Variants in FARSB observed in about 807,000 individuals in gnomAD.
FARSB encodes phenylalanyl-tRNA synthetase subunit beta.
A neutral mutation model predicts 69.6 loss-of-function variants in FARSB; 40 were observed. The observed-to-expected ratio is 0.57, with a 90% CI of 0.45 to 0.75. The LOEUF (loss-of-function observed/expected upper bound fraction) is 0.75. Ranked by LOEUF, FARSB falls within the 30% of genes least tolerant of loss-of-function variation. The pLI is 0.00. For missense variants in FARSB, 632 were observed against 722.9 expected (o/e 0.87, Z 1.44); for synonymous variants, 235 against 247.2 (o/e 0.95, Z 0.46).
chr2:222,604,658 C>T (rs1373847704), intron 15 of FARSB, among the ~76,000 whole-genome samples: 3 of 151,460 alleles, frequency 2.0e-5, no homozygotes, highest in South Asian at 2.1e-4. Context: ...CAGGCTCAGG[C>T]GATCCTCCCA....
chr2:222,600,974 A>G (rs970072601), intron 15 of FARSB, among the ~76,000 whole-genome samples: 1 of 152,238 alleles, frequency 6.6e-6, no homozygotes, highest in African/African-American at 2.4e-5. Flanking sequence ...ATGCTACCAC[A>G]TGGGTGAATC....
intron 1 of FARSB, 56 bp downstream of exon 1, chr2:222,655,960 G>A (rs919474957): frequency 1.4e-6 from 2 of 1,389,526 alleles, no homozygotes; most frequent in South Asian, 2.4e-5. Context: ...CCTTTTGGAG[G>A]GAGGCCCTGC....
chr2:222,651,182 TAAG>T (rs1692029740), intron 1 of FARSB, among the ~76,000 whole-genome samples: 1 of 152,136 alleles, frequency 6.6e-6, no homozygotes, highest in Non-Finnish European at 1.5e-5. Flanking sequence ...GAATCCTGGT[TAAG>T]AAGAGGCGGA....
chr2:222,617,773 C>T (rs1691034252), intron 14 of FARSB, among the ~76,000 whole-genome samples: 1 of 152,158 alleles, frequency 6.6e-6, no homozygotes, highest in Non-Finnish European at 1.5e-5. Flanking sequence ...ATCCCAGCTA[C>T]TCGGGAGGCT....
intron 4 of FARSB, among the ~76,000 whole-genome samples, chr2:222,640,342 T>C (rs564099602): frequency 6.6e-6 from 1 of 151,462 alleles, no homozygotes; most frequent in Non-Finnish European, 1.5e-5. Flanking sequence ...TACAAAAAAT[T>C]AGCTGGGTGT....
At chr2:222,582,647 G>A (rs895476529) in intron 16 of FARSB, among the ~76,000 whole-genome samples, 2 of 151,954 alleles carry the variant, frequency 1.3e-5, no homozygotes, top group Admixed American at 6.6e-5. Flanking sequence ...ATGTAAATTC[G>A]GGCGCAGTGG....
chr2:222,629,092 T>C (rs1168877490), intron 9 of FARSB, among the ~76,000 whole-genome samples: 1 of 152,174 alleles, frequency 6.6e-6, no homozygotes, highest in Admixed American at 6.5e-5. Context: ...CGATGTCCTT[T>C]TCAGGCACCA....
intron 16 of FARSB, among the ~76,000 whole-genome samples, chr2:222,575,307 C>A (rs578151495): frequency 2.0e-4 from 31 of 152,330 alleles, no homozygotes; most frequent in African/African-American, 5.3e-4. Flanking sequence ...AAAAATCAGA[C>A]CTGGGTGGTA....
intron 15 of FARSB, among the ~76,000 whole-genome samples, chr2:222,608,138 G>A (rs1184911): frequency 0.99 from 149,996 of 152,278 alleles, 73,884 homozygotes; most frequent in East Asian, 1. Flanking sequence ...TGTTAATGTC[G>A]ATGCTCCTTA....
At chr2:222,574,413 C>G (rs1689786199) in intron 16 of FARSB, among the ~76,000 whole-genome samples, 1 of 152,178 alleles carries the variant, frequency 6.6e-6, no homozygotes, top group Non-Finnish European at 1.5e-5. Context: ...ATCAAAAGCT[C>G]TCACCTGTCA....
At position 222,575,861 on chromosome 2, in the gene FARSB, A is replaced by G. The variant is rs567563234; in HGVS notation, c.1619-3839T>C. 8.5e-5 allele frequency among the ~76,000 whole-genome samples: 13 copies of G among 152,294 alleles called. No homozygotes were observed. In the South Asian group the frequency reaches 2.7e-3, roughly 32 times the overall value. Reference sequence around the variant, plus strand: ...CTTGGGGGTAATTCCTGGGCCTGTAATCCAGCACAGCACCCAGGCTTTAGC... The same window carrying G: ...CTTGGGGGTAATTCCTGGGCCTGTAGTCCAGCACAGCACCCAGGCTTTAGC... On this transcript the variant is annotated intron_variant, in intron 16 of 16. Coordinates refer to ENST00000281828, the MANE Select transcript of FARSB (RefSeq NM_005687.5).
At chr2:222,655,675 T>C (rs944850678) in intron 1 of FARSB, among the ~76,000 whole-genome samples, 3 of 152,240 alleles carry the variant, frequency 2.0e-5, no homozygotes, top group African/African-American at 7.2e-5. Context: ...AGCGCTGCTA[T>C]TGCAATTAAC....
At position 222,569,020 on chromosome 2, in the gene FARSB, T is replaced by C. The variant is rs1397673625; in HGVS notation, c.*2851A>G. The C allele has an allele frequency of 2.6e-5, 4 of 152,218 alleles. No individual in the cohort carries two copies. The highest frequency in any genetic ancestry group is 5.9e-5 in the Non-Finnish European group (4 of 68,040). 9.4% of individuals were successfully genotyped at this position (152,218 alleles called of 1,614,324 possible). ...CTTCTGTAATAAAGGCTTTTGGCAG[T>C]ACTCACAGACTGCCCTGGCTCCAGT... On this transcript the variant is annotated 3_prime_UTR_variant, in exon 17 of 17. Transcript: ENST00000281828.
chr2:222,584,596 G>C (rs531610518), intron 16 of FARSB, among the ~76,000 whole-genome samples: 1 of 152,314 alleles, frequency 6.6e-6, no homozygotes, highest in East Asian at 1.9e-4. Context: ...CCTAGCCAAG[G>C]GATGCCGTGA....
intron 1 of FARSB, among the ~76,000 whole-genome samples, chr2:222,653,237 C>G (rs1244986674): frequency 2.6e-5 from 4 of 152,076 alleles, no homozygotes; most frequent in Admixed American, 1.3e-4. Flanking sequence ...GCAAAATAAC[C>G]AAAATGGCAA....
intron 16 of FARSB, among the ~76,000 whole-genome samples, chr2:222,598,876 T>G (rs1690490969): frequency 6.6e-6 from 1 of 152,002 alleles, no homozygotes; most frequent in South Asian, 2.1e-4. Flanking sequence ...AATGTCTGCA[T>G]TTTATTATTT....
At chr2:222,579,069 T>C (rs2106178248) in intron 16 of FARSB, among the ~76,000 whole-genome samples, 1 of 152,326 alleles carries the variant, frequency 6.6e-6, no homozygotes, top group Middle Eastern at 3.4e-3. Flanking sequence ...AGTGCAGCCC[T>C]GGCCAAGCCC....
intron 2 of FARSB, among the ~76,000 whole-genome samples, chr2:222,644,739 T>C (rs1220892594): frequency 1.3e-5 from 2 of 152,222 alleles, no homozygotes; most frequent in East Asian, 3.9e-4. Context: ...CATACATACC[T>C]ATGAAAAAGT....
At chr2:222,584,889 G>C (rs907985409) in intron 16 of FARSB, among the ~76,000 whole-genome samples, 1 of 152,220 alleles carries the variant, frequency 6.6e-6, no homozygotes, top group Non-Finnish European at 1.5e-5. Flanking sequence ...AGGCCTGCCT[G>C]CCTCTGTAGA....
Sources: gnomAD v4.1 joint callset for allele counts (sites outside exome capture counted in the v4.1 genomes callset) on GRCh38, gnomAD v4.1.1 for gene constraint, MANE v1.5 for transcripts, NCBI Gene and HGNC (gene_info 2026-07-23, HGNC 2026-07-21) for gene names.